The following YWHAE variants were observed in gnomAD, a reference collection of about 807,000 sequenced individuals.
YWHAE encodes the protein 14-3-3 protein epsilon.
A neutral mutation model predicts 30.1 loss-of-function variants in YWHAE; 4 were observed. That is an observed-to-expected ratio of 0.13 (90% confidence interval 0.07 to 0.30). YWHAE has a LOEUF of 0.30. Among genes scored for constraint, YWHAE ranks in the 10% least tolerant of loss-of-function variants. The probability of loss-of-function intolerance (pLI) is 1.00; values close to 1 mark genes in which losing one functional copy is unlikely to be tolerated. For synonymous variants in YWHAE, 118 were observed against 111.8 expected, an observed-to-expected ratio of 1.06 and a Z score of -0.35; for missense variants, 121 against 315.9, an observed-to-expected ratio of 0.38 and a Z score of 4.68.
chr17:1,351,985 T>C (rs1362667935), intron 5 of YWHAE: 3 of 151,502 alleles, frequency 2.0e-5, no homozygotes, highest in Non-Finnish European at 4.4e-5. Context: ...GGTCTTACTA[T>C]GTTGCCCAGG....
At chr17:1,380,417 C>A (rs2073189516) in intron 1 of YWHAE, among the ~76,000 whole-genome samples, 1 of 152,098 alleles carries the variant, frequency 6.6e-6, no homozygotes, top group South Asian at 2.1e-4. Context: ...ATTTTCATTC[C>A]TGCTTATTCA....
At chr17:1,355,649 T>C (rs2072728189) in intron 4 of YWHAE, among the ~76,000 whole-genome samples, 1 of 151,988 alleles carries the variant, frequency 6.6e-6, no homozygotes, top group South Asian at 2.1e-4. Context: ...CAACAAACGA[T>C]ACGATATACC....
chr17:1,384,086 T>A (rs2073261589), intron 1 of YWHAE, among the ~76,000 whole-genome samples: 1 of 152,020 alleles, frequency 6.6e-6, no homozygotes, highest in Non-Finnish European at 1.5e-5. Context: ...GTGCCTGTAA[T>A]CCCAGCCACT....
intron 5 of YWHAE, among the ~76,000 whole-genome samples, chr17:1,351,076 A>C (rs554906363): frequency 6.6e-6 from 1 of 151,000 alleles, no homozygotes; most frequent in East Asian, 2.0e-4. Context: ...AAAACAAAAA[A>C]TCAGCCAGGC....
intron 1 of YWHAE, among the ~76,000 whole-genome samples, chr17:1,374,756 T>G (rs2073098861): frequency 6.6e-6 from 1 of 152,242 alleles, no homozygotes; most frequent in Non-Finnish European, 1.5e-5. Flanking sequence ...TCAAACACTT[T>G]GCCAAATATT....
rs1349235736 is a variant in YWHAE, at chr17:1,362,070, T to C, written c.265-62A>G. Reference sequence around the variant, plus strand: ...TCTAGAAATTCTACAAATTATTACATATTCTATCTCTGGTTTTGAGGTAGA... The same window carrying C: ...TCTAGAAATTCTACAAATTATTACACATTCTATCTCTGGTTTTGAGGTAGA... On this transcript the variant is annotated intron_variant, in intron 2 of 5. Transcript: ENST00000264335. 3 of 1,008,324 alleles carry C rather than the reference T, an allele frequency of 3.0e-6. No homozygotes were observed. In the Admixed American group the frequency reaches 9.5e-5, roughly 32 times the overall value. 62.5% of individuals were successfully genotyped at this position (1,008,324 alleles called of 1,614,324 possible).
At chr17:1,356,600 G>T (rs1163803982) in intron 4 of YWHAE, among the ~76,000 whole-genome samples, 1 of 152,190 alleles carries the variant, frequency 6.6e-6, no homozygotes, top group Non-Finnish European at 1.5e-5. Context: ...ACCAGTATTA[G>T]CTAAATAGCC....
chr17:1,347,134 T>C (rs7225122), intron 5 of YWHAE, among the ~76,000 whole-genome samples: 15,471 of 144,508 alleles, frequency 0.11, 988 homozygotes, highest in Non-Finnish European at 0.14. Flanking sequence ...GAGACCATCC[T>C]GGCTAACACA....
At chr17:1,377,112 C>T (rs1231962069) in intron 1 of YWHAE, among the ~76,000 whole-genome samples, 1 of 152,008 alleles carries the variant, frequency 6.6e-6, no homozygotes, top group Non-Finnish European at 1.5e-5. Flanking sequence ...CAGGGTTTCA[C>T]CATGTTGGCC....
chr17:1,396,296 T>C (rs775605052), intron 1 of YWHAE, among the ~76,000 whole-genome samples: 2 of 150,984 alleles, frequency 1.3e-5, no homozygotes, highest in Non-Finnish European at 2.9e-5. Context: ...TGGTGGCACA[T>C]GCCTGTAGTC....
At chr17:1,356,404 T>C (rs968693568) in intron 4 of YWHAE, among the ~76,000 whole-genome samples, 16 of 152,092 alleles carry the variant, frequency 1.1e-4, no homozygotes, top group Non-Finnish European at 1.8e-4. Flanking sequence ...AAATAAAGTA[T>C]TTCAGGGACC....
intron 1 of YWHAE, among the ~76,000 whole-genome samples, chr17:1,396,690 A>T (rs539305960): frequency 2.0e-5 from 3 of 152,204 alleles, no homozygotes; most frequent in African/African-American, 7.2e-5. Flanking sequence ...CAATGGCGCA[A>T]TCTCGGCTCA....
At position 1,388,100 on chromosome 17, in the gene YWHAE, TGTTTTTTTTTTTGGTTGG is replaced by T. The variant is rs1214774648; in HGVS notation, c.64+11929_64+11946del. Among the ~76,000 whole-genome samples the T allele has an allele frequency of 4.2e-3, 311 of 73,724 alleles. 5 individuals are homozygous for T. The highest frequency in any genetic ancestry group is 5.6e-3 in the Non-Finnish European group (251 of 44,946). The allele number at this position is 73,724 out of a possible 152,430, so 48.4% of individuals were successfully genotyped here. On this transcript the variant is annotated intron_variant, in intron 1 of 5. Transcript: ENST00000264335. ...GCCACCACCACGCCTGGGTAATTTT[TGTTTTTTTTTTTGGTTGG>T]TTTTTTTTTTTTTTTTTTTTTTTTA...
chr17:1,381,172 G>A (rs574511057), intron 1 of YWHAE, among the ~76,000 whole-genome samples: 1 of 152,178 alleles, frequency 6.6e-6, no homozygotes, highest in Non-Finnish European at 1.5e-5. Flanking sequence ...GAGGTCAGGA[G>A]TTACAGACTG....
chr17:1,367,812 G>A (rs887035208), intron 1 of YWHAE, among the ~76,000 whole-genome samples: 7 of 152,098 alleles, frequency 4.6e-5, no homozygotes, highest in African/African-American at 1.7e-4. Context: ...AAACTAAAAA[G>A]ACAGAAAGCA....
At chr17:1,351,807 A>G (rs62087918) in intron 5 of YWHAE, among the ~76,000 whole-genome samples, 10,020 of 152,094 alleles carry the variant, frequency 0.066, 432 homozygotes, top group Non-Finnish European at 0.1. Context: ...GTCCTGCTCT[A>G]TGAAGCCTCG....
intron 1 of YWHAE, among the ~76,000 whole-genome samples, chr17:1,378,206 T>A (rs762393878): frequency 6.6e-6 from 1 of 152,212 alleles, no homozygotes; most frequent in African/African-American, 2.4e-5. Context: ...GATTTACATG[T>A]GAGAAGCAGT....
At chr17:1,370,726 T>A (rs745522993) in intron 1 of YWHAE, among the ~76,000 whole-genome samples, 1 of 151,998 alleles carries the variant, frequency 6.6e-6, no homozygotes, top group Non-Finnish European at 1.5e-5. Context: ...CTGGGAGCGG[T>A]GGCTCACGCC....
intron 5 of YWHAE, among the ~76,000 whole-genome samples, chr17:1,353,886 C>T (rs2072683328): frequency 6.6e-6 from 1 of 152,172 alleles, no homozygotes; most frequent in South Asian, 2.1e-4. Context: ...TTCATAAATA[C>T]CTACTGATAC....
Sources: gnomAD v4.1 joint callset for allele counts (sites outside exome capture counted in the v4.1 genomes callset) on GRCh38, gnomAD v4.1.1 for gene constraint, MANE v1.5 for transcripts, NCBI Gene and HGNC (gene_info 2026-07-23, HGNC 2026-07-21) for gene names.